SCN10A: variants seen among roughly 807,000 people sequenced by gnomAD.
SCN10A encodes sodium voltage-gated channel alpha subunit 10.
In SCN10A, 162 loss-of-function variants were observed where a neutral mutation model predicts 170.7. The ratio of observed to expected loss-of-function variants is 0.95; its 90% CI spans 0.84 to 1.08. SCN10A has a LOEUF of 1.08. Ranked by LOEUF, SCN10A falls within the 50% of genes least tolerant of loss-of-function variation. SCN10A has a pLI of 0.00. For missense variants in SCN10A, 2,527 were observed against 2,436.9 expected (o/e 1.04, Z -0.78); for synonymous variants, 985 against 904.6 (o/e 1.09, Z -1.59).
At chr3:38,708,713 T>C (rs1006480207) in intron 25 of SCN10A, among the ~76,000 whole-genome samples, 14 of 152,202 alleles carry the variant, frequency 9.2e-5, no homozygotes, top group African/African-American at 3.4e-4. Context: ...AGAGTAGGTA[T>C]TATTAGCCCC....
intron 1 of SCN10A, among the ~76,000 whole-genome samples, chr3:38,808,321 G>A (rs78434989): frequency 0.016 from 2,499 of 152,242 alleles, 51 homozygotes; most frequent in African/African-American, 0.056. Context: ...GTTTAGTTAA[G>A]TGTCAGTTTT....
At chr3:38,813,192 G>T (rs905814255) in intron 1 of SCN10A, among the ~76,000 whole-genome samples, 8 of 152,042 alleles carry the variant, frequency 5.3e-5, no homozygotes, top group African/African-American at 1.9e-4. Context: ...CCAAAGGATT[G>T]TGCCTAATGC....
At position 38,709,562 on chromosome 3, in the gene SCN10A, G is replaced by A. The variant is rs2063249417; in HGVS notation, c.4197C>T (p.Val1399=). The A allele has an allele frequency of 6.2e-7, 1 of 1,613,076 alleles. No individual in the cohort carries two copies. Among genetic ancestry groups the A allele is most frequent in the Admixed American group, 1.7e-5 (1 of 59,894 alleles). The stretch of plus-strand genomic sequence containing the variant: ...AGAAGCCTCCAAAAATGATGAAGAT[G>A]ACAAAGTACAAATACATGTACACGT... ...EDNVYMYLYF[V]IFIIFGGFFT... is the part of the protein sequence containing the mutation. The change falls in exon 25 of 28, where the codon GTC becomes GTT. Residue 1399 remains valine (V), a synonymous_variant. Coordinates refer to ENST00000449082, the MANE Select transcript of SCN10A (RefSeq NM_006514.4).
intron 23 of SCN10A, 80 bp from the exon 24 acceptor site, chr3:38,710,977 G>A: frequency 8.7e-7 from 1 of 1,146,644 alleles, no homozygotes; most frequent in Non-Finnish European, 1.3e-6. Context: ...GTGGCCCAGT[G>A]AGAGAGGAGA....
intron 15 of SCN10A, among the ~76,000 whole-genome samples, chr3:38,736,962 C>CTTTTTTTT (rs2063567359): frequency 4.3e-5 from 3 of 69,248 alleles, no homozygotes; most frequent in African/African-American, 1.6e-4. Context: ...CAGAAATGTT[C>CTTTTTTTT]GTTTTTTTTT....
At chr3:38,760,441 A>G (rs1242002753) in intron 8 of SCN10A, among the ~76,000 whole-genome samples, 2 of 152,272 alleles carry the variant, frequency 1.3e-5, no homozygotes, top group African/African-American at 4.8e-5. Context: ...GCTGATGCAC[A>G]GAATCATGAA....
chr3:38,770,430 C>T (rs1014266807), intron 5 of SCN10A, among the ~76,000 whole-genome samples: 1 of 152,026 alleles, frequency 6.6e-6, no homozygotes, highest in East Asian at 1.9e-4. Context: ...ATTGCTGTGG[C>T]CACTGTGGTG....
chr3:38,699,181 G>T (rs1452226959), intron 27 of SCN10A, among the ~76,000 whole-genome samples: 1 of 147,262 alleles, frequency 6.8e-6, no homozygotes, highest in African/African-American at 2.5e-5. Flanking sequence ...CCAGCTGTCT[G>T]CACAATGCCT....
intron 14 of SCN10A, among the ~76,000 whole-genome samples, chr3:38,741,889 T>A (rs2063636478): frequency 6.6e-6 from 1 of 152,166 alleles, no homozygotes; most frequent in Non-Finnish European, 1.5e-5. Flanking sequence ...TAAAAGTAAT[T>A]ACATTGGAAG....
intron 1 of SCN10A, among the ~76,000 whole-genome samples, chr3:38,804,138 ATAAT>A (rs1485081467): frequency 6.6e-6 from 1 of 152,196 alleles, no homozygotes; most frequent in Admixed American, 6.5e-5. Flanking sequence ...CTCACTTCAT[ATAAT>A]TCTCTTGCTT....
rs60874265 is a variant in SCN10A, at chr3:38,741,289, A to AACACACACACAC, written c.2106+990_2106+1001dup. 8.6e-3 allele frequency among the ~76,000 whole-genome samples: 1,269 copies of AACACACACACAC among 146,762 alleles called. 20 individuals carry two copies. Among genetic ancestry groups the AACACACACACAC allele is most frequent in the African/African-American group, 0.029 (1,171 of 40,192 alleles). On this transcript the variant is annotated intron_variant, in intron 14 of 27. Transcript: ENST00000449082. ...TGCCTATCATGTGTGCGTGTGTTTG[A>AACACACACACAC]ACACACACACACACACACACACACA...
chr3:38,726,597 A>G lies in SCN10A; in HGVS notation c.3087+9T>C. 1 of 1,559,866 alleles carries G rather than the reference A, an allele frequency of 6.4e-7. No individual in the cohort carries two copies. Among genetic ancestry groups the G allele is most frequent in the Non-Finnish European group, 8.7e-7 (1 of 1,145,800 alleles). Reference sequence around the variant, plus strand: ...CTGCCTGTGGCTGTCCCTTGGGGATAACTCTTACCTGTCCTTTGGGGATCA... The same window carrying G: ...CTGCCTGTGGCTGTCCCTTGGGGATGACTCTTACCTGTCCTTTGGGGATCA... On this transcript the variant is annotated intron_variant, in intron 17 of 27. Coordinates refer to ENST00000449082, the MANE Select transcript of SCN10A (RefSeq NM_006514.4).
Position 38,742,370 on chromosome 3 carries a change from A to C in SCN10A, c.2027T>G (p.Val676Gly). ...CATGGCCATGAAGATGGTGTTCACCACGATGCACAAGGTGATGGTGAGCTC... is the reference window on the plus strand; with the variant it reads ...CATGGCCATGAAGATGGTGTTCACCCCGATGCACAAGGTGATGGTGAGCTC... ...FAELTITLCI[V>G]VNTIFMAMEH... Residue 676 changes from valine (V) to glycine (G), a missense_variant, in exon 14 of 28, where the codon GTG becomes GGG. Val to Gly is a moderately radical substitution (Grantham distance 109, BLOSUM62 -3). Transcript: ENST00000449082. The C allele has an allele frequency of 6.2e-7, 1 of 1,614,166 alleles. No individual in the cohort carries two copies. The highest frequency in any genetic ancestry group is 8.5e-7 in the Non-Finnish European group (1 of 1,180,016).
In SCN10A at chr3:38,737,733, C is replaced by T. The variant is rs1288837331; in HGVS notation, c.2280+1782G>A. On this transcript the variant is annotated intron_variant, in intron 15 of 27. Transcript: ENST00000449082. ...ATGGACAGGCCATAGCTCGTCCTTC[C>T]CTCCCTCCCTCCCTCTCTCTCTCCC... Among the ~76,000 whole-genome samples the T allele has an allele frequency of 2.1e-4, 28 of 132,636 alleles. 1 individual carries two copies. In the East Asian group the frequency reaches 5.0e-3, roughly 24 times the overall value. The allele number at this position is 132,636 out of a possible 152,430, so 87.0% of individuals were successfully genotyped here. A position where few individuals can be genotyped will look rare whatever the true frequency, so the allele number is the denominator to read the frequency against.
At chr3:38,739,287 T>G (rs1218627694) in intron 15 of SCN10A, among the ~76,000 whole-genome samples, 1 of 152,134 alleles carries the variant, frequency 6.6e-6, no homozygotes, top group East Asian at 1.9e-4. Context: ...CCCCTCTTGG[T>G]GCAGATAAGG....
chr3:38,728,722 G>C lies in SCN10A; in HGVS notation c.2460C>G (p.Ile820Met). 1 of 1,614,218 alleles carries C rather than the reference G, an allele frequency of 6.2e-7. No individual in the cohort carries two copies. The highest frequency in any genetic ancestry group is 8.5e-7 in the Non-Finnish European group (1 of 1,180,042). ...GENYRNNRKN[I>M]SAPHEDWPRW... is the part of the protein sequence containing the mutation. ...GGGGCCAGTCTTCATGGGGCGCGGA[G>C]ATATTTTTTCGGTTGTTACGGTAGT... is the stretch of plus-strand genomic sequence containing the variant. Residue 820 changes from isoleucine to methionine, a missense_variant, in exon 16 of 28, where the codon ATC (isoleucine) becomes ATG (methionine). Ile to Met is a conservative substitution (Grantham distance 10). Transcript: ENST00000449082.
rs2063096905 is a variant in SCN10A at position 38,697,130 on chromosome 3, G to T, written c.*219C>A. On this transcript the variant is annotated 3_prime_UTR_variant, in exon 28 of 28. Transcript: ENST00000449082. The stretch of plus-strand genomic sequence containing the variant: ...ATGATCTGATATTGAAATTCAGAAG[G>T]GAAATCACAGTGGAAGTGCTCTTAG... 1 of 604,282 alleles carries T rather than the reference G, an allele frequency of 1.7e-6. No individual in the cohort carries two copies. The highest frequency in any genetic ancestry group is 1.8e-5 in the African/African-American group (1 of 54,242). 37.4% of individuals were successfully genotyped at this position (604,282 alleles called of 1,614,324 possible).
At chr3:38,802,989 G>A (rs1331620314) in intron 1 of SCN10A, among the ~76,000 whole-genome samples, 5 of 152,152 alleles carry the variant, frequency 3.3e-5, no homozygotes, top group African/African-American at 1.2e-4. Flanking sequence ...AGTGGGCAAA[G>A]GATATGAACA....
chr3:38,780,433 A>G (rs1281393233), intron 4 of SCN10A, among the ~76,000 whole-genome samples: 1 of 152,120 alleles, frequency 6.6e-6, no homozygotes, highest in Non-Finnish European at 1.5e-5. Flanking sequence ...TTTTAAAAAT[A>G]GGTGAGTAAA....
Sources: allele counts gnomAD v4.1 joint callset (sites outside exome capture counted in the v4.1 genomes callset), GRCh38; gene constraint gnomAD v4.1.1; transcripts MANE v1.5; gene names NCBI Gene and HGNC (gene_info 2026-07-23, HGNC 2026-07-21).